The following CSGALNACT1 variants were observed in gnomAD, a reference collection of about 807,000 sequenced individuals.
The protein encoded by CSGALNACT1 is chondroitin sulfate N-acetylgalactosaminyltransferase 1.
CSGALNACT1 carries 52 observed loss-of-function variants against 51.0 expected under a neutral mutation model. That is an observed-to-expected ratio of 1.02 (90% CI 0.82 to 1.29). The LOEUF (loss-of-function observed/expected upper bound fraction) is 1.29. Ranked by LOEUF, CSGALNACT1 falls within the 50% of genes most tolerant of loss-of-function variation. The pLI, the probability that CSGALNACT1 is intolerant of heterozygous loss-of-function variation, is 0.00. For synonymous variants in CSGALNACT1, 341 were observed against 254.4 expected (o/e 1.34, Z -3.24); for missense variants, 935 against 679.2 (o/e 1.38, Z -4.19).
At chr8:19,430,897 CTTTT>C in intron 6 of CSGALNACT1, among the ~76,000 whole-genome samples, 1 of 152,198 alleles carries the variant, frequency 6.6e-6, no homozygotes, top group Non-Finnish European at 1.5e-5. Context: ...AATTCTTGCA[CTTTT>C]TTATTACATT....
chr8:19,698,792 C>G (rs572248604), intron 1 of CSGALNACT1, among the ~76,000 whole-genome samples: 1 of 152,204 alleles, frequency 6.6e-6, no homozygotes, highest in East Asian at 1.9e-4. Context: ...ATTGATTTAC[C>G]ATATGATCCA....
At chr8:19,506,206 C>T (rs1004108570) in intron 3 of CSGALNACT1, 76 bp from the exon 3 acceptor site, 11 of 446,608 alleles carry the variant, frequency 2.5e-5, no homozygotes, top group South Asian at 1.1e-4. Context: ...CAATCAATAT[C>T]CAATAGATCT....
At chr8:19,576,178 G>T (rs1299919523) in intron 3 of CSGALNACT1, among the ~76,000 whole-genome samples, 1 of 151,862 alleles carries the variant, frequency 6.6e-6, no homozygotes, top group Non-Finnish European at 1.5e-5. Context: ...TTTCTTTGTT[G>T]CTATCCCTAC....
intron 1 of CSGALNACT1, among the ~76,000 whole-genome samples, chr8:19,756,919 C>T (rs569305060): frequency 6.6e-6 from 1 of 151,708 alleles, no homozygotes; most frequent in South Asian, 2.1e-4. Context: ...GAAGCTCCCT[C>T]CGCGTCCCCG....
chr8:19,622,982 C>A (rs2054007594), intron 1 of CSGALNACT1, among the ~76,000 whole-genome samples: 1 of 152,132 alleles, frequency 6.6e-6, no homozygotes, highest in East Asian at 1.9e-4. Context: ...TTGATAGGTA[C>A]TGCAAACCAC....
At chr8:19,665,860 T>C (rs527487995) in intron 1 of CSGALNACT1, among the ~76,000 whole-genome samples, 1 of 152,322 alleles carries the variant, frequency 6.6e-6, no homozygotes, top group East Asian at 1.9e-4. Flanking sequence ...TCATTTACAG[T>C]TAACATTTCA....
At chr8:19,694,146 G>C (rs1191906475) in intron 1 of CSGALNACT1, among the ~76,000 whole-genome samples, 1 of 152,230 alleles carries the variant, frequency 6.6e-6, no homozygotes, top group East Asian at 1.9e-4. Flanking sequence ...AAGGAAGTTT[G>C]TGACTTGAAA....
At chr8:19,431,661 G>A (rs2059668558) in intron 6 of CSGALNACT1, among the ~76,000 whole-genome samples, 1 of 151,994 alleles carries the variant, frequency 6.6e-6, no homozygotes, top group Non-Finnish European at 1.5e-5. Flanking sequence ...AGGTTATCAG[G>A]GTAATGCTGG....
At chr8:19,470,657 G>A (rs945420106) in intron 4 of CSGALNACT1, among the ~76,000 whole-genome samples, 3 of 152,152 alleles carry the variant, frequency 2.0e-5, no homozygotes, top group African/African-American at 4.8e-5. Flanking sequence ...GGGATGATTC[G>A]GCAATCATCT....
chr8:19,519,299 C>G (rs565542166), intron 3 of CSGALNACT1, among the ~76,000 whole-genome samples: 1 of 152,272 alleles, frequency 6.6e-6, no homozygotes, highest in Non-Finnish European at 1.5e-5. Context: ...GATCCCCATT[C>G]TCCTAGATTA....
intron 6 of CSGALNACT1, among the ~76,000 whole-genome samples, chr8:19,422,846 T>A (rs986655877): frequency 6.6e-6 from 1 of 152,192 alleles, no homozygotes; most frequent in Non-Finnish European, 1.5e-5. Flanking sequence ...GATGCCTGGA[T>A]TTTTACCTGT....
intron 3 of CSGALNACT1, 49 bp from the exon 3 acceptor site, chr8:19,506,179 C>T (rs1282935903): frequency 1.2e-5 from 6 of 502,722 alleles, no homozygotes; most frequent in Non-Finnish European, 1.9e-5. Flanking sequence ...ACAACGACTC[C>T]CTCATGTTCC....
At chr8:19,640,884 T>G (rs2056659042) in intron 1 of CSGALNACT1, among the ~76,000 whole-genome samples, 1 of 152,030 alleles carries the variant, frequency 6.6e-6, no homozygotes. Context: ...TTTGGTTGTT[T>G]TTTTTTTCCT....
rs528359612 is a variant in CSGALNACT1 at position 19,650,226 on chromosome 8, A to G, written c.-544+32247T>C. ...ACTAAATAAAAGTATAATCTGATCA[A>G]TGAGGTTGTAGAATCAAATTGAAAC... On this transcript the variant is annotated intron_variant, in intron 1 of 9. Transcript: ENST00000332246. Among the ~76,000 whole-genome samples the G allele has an allele frequency of 1.4e-3, 208 of 152,358 alleles. 1 individual carries two copies. Among genetic ancestry groups the G allele is most frequent in the African/African-American group, 4.8e-3 (200 of 41,582 alleles).
At chr8:19,555,162 C>G (rs368023411) in intron 3 of CSGALNACT1, among the ~76,000 whole-genome samples, 8 of 151,718 alleles carry the variant, frequency 5.3e-5, no homozygotes, top group African/African-American at 1.5e-4. Context: ...TAGCTTGAAC[C>G]CAGGAGGCAG....
At chr8:19,499,296 C>T (rs765219181) in intron 4 of CSGALNACT1, among the ~76,000 whole-genome samples, 1 of 152,136 alleles carries the variant, frequency 6.6e-6, no homozygotes, top group African/African-American at 2.4e-5. Context: ...GCTGTCATAA[C>T]TGTCTTTTAA....
intron 3 of CSGALNACT1, among the ~76,000 whole-genome samples, chr8:19,515,247 A>C (rs1361879897): frequency 1.3e-5 from 2 of 152,158 alleles, no homozygotes; most frequent in African/African-American, 2.4e-5. Flanking sequence ...CTGTCAGGCC[A>C]TGTGACCAAA....
intron 4 of CSGALNACT1, among the ~76,000 whole-genome samples, chr8:19,466,852 T>TC (rs1332421617): frequency 6.6e-6 from 1 of 152,238 alleles, no homozygotes; most frequent in African/African-American, 2.4e-5. Context: ...TCTGGACTTG[T>TC]CCTCACTGGT....
intron 3 of CSGALNACT1, among the ~76,000 whole-genome samples, chr8:19,523,459 G>T (rs967955804): frequency 1.3e-5 from 2 of 151,700 alleles, no homozygotes; most frequent in Admixed American, 1.3e-4. Flanking sequence ...TTGTGGAGAC[G>T]TAGTCTTGCA....
Sources: allele counts gnomAD v4.1 joint callset (sites outside exome capture counted in the v4.1 genomes callset), GRCh38; gene constraint gnomAD v4.1.1; transcripts MANE v1.5; gene names NCBI Gene and HGNC (gene_info 2026-07-23, HGNC 2026-07-21).